PPARA: variants seen among roughly 807,000 people sequenced by gnomAD.
The protein encoded by PPARA is peroxisome proliferator activated receptor alpha.
In PPARA, 22 loss-of-function variants were observed where a neutral mutation model predicts 42.2. The observed-to-expected ratio is 0.52, with a 90% CI of 0.37 to 0.74. The LOEUF (loss-of-function observed/expected upper bound fraction) is 0.74. Ranked by LOEUF, PPARA falls within the 30% of genes least tolerant of loss-of-function variation. The probability of loss-of-function intolerance (pLI) is 0.00; values close to 1 mark genes in which losing one functional copy is unlikely to be tolerated. For missense variants in PPARA, 465 were observed against 608.2 expected (o/e 0.76, Z 2.48); for synonymous variants, 242 against 239.3 (o/e 1.01, Z -0.10).
chr22:46,226,710 TC>T (rs1339099397), intron 7 of PPARA, among the ~76,000 whole-genome samples: 16 of 152,178 alleles, frequency 1.1e-4, no homozygotes, highest in Non-Finnish European at 5.9e-5. Context: ...TAGTGAGACC[TC>T]CTCTATGAAA....
chr22:46,177,142 C>T (rs917084263), intron 3 of PPARA, among the ~76,000 whole-genome samples: 2 of 152,066 alleles, frequency 1.3e-5, no homozygotes, highest in Admixed American at 6.6e-5. Flanking sequence ...ACACAGGAGG[C>T]AGAGCTTGCA....
rs1042459173 is a variant in PPARA, at chr22:46,161,268, A to T, written c.-127+9298A>T. On this transcript the variant is annotated intron_variant, in intron 2 of 8. Coordinates refer to ENST00000407236, the MANE Select transcript of PPARA (RefSeq NM_005036.6). The surrounding 1 kb of genome is among the most constrained non-coding windows in gnomAD (Gnocchi z 4.8). ...ATTTTCTAGAAGGAATTTCAGAAGGATGTGTGCCCAATTATGGTATCAGGT... is the reference window on the plus strand; with the variant it reads ...ATTTTCTAGAAGGAATTTCAGAAGGTTGTGTGCCCAATTATGGTATCAGGT... 5.9e-5 allele frequency among the ~76,000 whole-genome samples: 9 copies of T among 152,198 alleles called. No individual in the cohort carries two copies. The highest frequency in any genetic ancestry group is 2.2e-4 in the African/African-American group (9 of 41,454).
At chr22:46,179,245 A>G (rs1265505352) in intron 3 of PPARA, among the ~76,000 whole-genome samples, 1 of 152,262 alleles carries the variant, frequency 6.6e-6, no homozygotes, top group Non-Finnish European at 1.5e-5. Flanking sequence ...TTCAAAGTAT[A>G]GCAAATATTA....
Position 46,171,721 on chromosome 22 carries a change from G to A in PPARA, c.-126-5032G>A, listed in dbSNP as rs185458222. 4.9e-4 allele frequency among the ~76,000 whole-genome samples: 74 copies of A among 152,286 alleles called. No individual in the cohort carries two copies. Among genetic ancestry groups the A allele is most frequent in the African/African-American group, 1.8e-3 (73 of 41,568 alleles). On this transcript the variant is annotated intron_variant, in intron 2 of 8. Transcript: ENST00000407236. This position sits in a 1 kb window ranked among gnomAD's most constrained non-coding sequence, Gnocchi z 5.0. Reference sequence around the variant, plus strand: ...TCGAGCAGTGTCCTGGAGAGGAGGAGGAGGAGAAAGAGGTCAGGAGGTCCC... The same window carrying A: ...TCGAGCAGTGTCCTGGAGAGGAGGAAGAGGAGAAAGAGGTCAGGAGGTCCC...
Position 46,167,268 on chromosome 22 carries a change from T to A in PPARA, c.-126-9485T>A, listed in dbSNP as rs924918044. Among the ~76,000 whole-genome samples the A allele has an allele frequency of 4.0e-5, 6 of 150,912 alleles. No homozygotes were observed. Among genetic ancestry groups the A allele is most frequent in the Non-Finnish European group, 7.4e-5 (5 of 67,808 alleles). ...TACTATTATGTAATAATAGTATATA[T>A]CATGTTACATATTATATTATGTAAT... is the stretch of plus-strand genomic sequence containing the variant. On this transcript the variant is annotated intron_variant, in intron 2 of 8. Coordinates refer to ENST00000407236, the MANE Select transcript of PPARA (RefSeq NM_005036.6). This position sits in a 1 kb window ranked among gnomAD's most constrained non-coding sequence, Gnocchi z 4.1.
intron 2 of PPARA, chr22:46,155,081 A>C (rs937821941): frequency 2.5e-4 from 37 of 149,050 alleles, no homozygotes; most frequent in African/African-American, 7.9e-4. Flanking sequence ...GAAACATGCC[A>C]ATTTTTCTTC....
chr22:46,155,747 A>G (rs1925212007), intron 2 of PPARA: 1 of 152,264 alleles, frequency 6.6e-6, no homozygotes, highest in Admixed American at 6.5e-5. Context: ...AAACTTGGGC[A>G]CAGAATTTAC....
At chr22:46,220,066 G>T (rs769412433) in intron 7 of PPARA, 52 bp downstream of exon 7, 2 of 1,580,136 alleles carry the variant, frequency 1.3e-6, no homozygotes, top group South Asian at 2.2e-5. Context: ...AACCAGTGTC[G>T]TAGAGGACGA....
chr22:46,195,123 G>A lies in PPARA; in HGVS notation c.-42-3219G>A, dbSNP rs1338601385. 4.0e-5 allele frequency among the ~76,000 whole-genome samples: 6 copies of A among 150,540 alleles called. No homozygotes were observed. The highest frequency in any genetic ancestry group is 6.7e-5 in the Admixed American group (1 of 15,028). On this transcript the variant is annotated intron_variant, in intron 3 of 8. Transcript: ENST00000407236. This position sits in a 1 kb window ranked among gnomAD's most constrained non-coding sequence, Gnocchi z 4.6. ...TCACCCTGTTGGCCAGGCTGGTTTC[G>A]AACTCCTGACCTTAAGTGATCTGCC...
chr22:46,154,831 G>A (rs965312097), intron 2 of PPARA, among the ~76,000 whole-genome samples: 6 of 150,026 alleles, frequency 4.0e-5, no homozygotes, highest in South Asian at 2.1e-4. Context: ...ACGCCACCAG[G>A]CCTGACTCAT....
chr22:46,205,550 A>AATT (rs1933200189), intron 4 of PPARA, among the ~76,000 whole-genome samples: 1 of 27,888 alleles, frequency 3.6e-5, no homozygotes, highest in Non-Finnish European at 6.0e-5. Flanking sequence ...ATATATATAT[A>AATT]TATATTTTTT....
chr22:46,212,540 CTTCT>C lies in PPARA; in HGVS notation c.209-2629_209-2626del, dbSNP rs996818054. Among the ~76,000 whole-genome samples the C allele has an allele frequency of 6.6e-6, 1 of 152,192 alleles. No individual in the cohort carries two copies. Among genetic ancestry groups the C allele is most frequent in the Non-Finnish European group, 1.5e-5 (1 of 68,038 alleles). On this transcript the variant is annotated intron_variant, in intron 4 of 8. Coordinates refer to ENST00000407236, the MANE Select transcript of PPARA (RefSeq NM_005036.6). This position sits in a 1 kb window ranked among gnomAD's most constrained non-coding sequence, Gnocchi z 4.2. ...ATAGTATGTAGCCTTTTCAGACTGA[CTTCT>C]TTCATAGCAATATGCATTTAAGAGT...
Position 46,200,984 on chromosome 22 carries a change from C to T in PPARA, c.208+2393C>T, listed in dbSNP as rs190860103. Among the ~76,000 whole-genome samples, 20 of 152,018 alleles carry T rather than the reference C, an allele frequency of 1.3e-4. No individual in the cohort carries two copies. Among genetic ancestry groups the T allele is most frequent in the Admixed American group, 9.8e-4 (15 of 15,264 alleles). On this transcript the variant is annotated intron_variant, in intron 4 of 8. Coordinates refer to ENST00000407236, the MANE Select transcript of PPARA (RefSeq NM_005036.6). This position sits in a 1 kb window ranked among gnomAD's most constrained non-coding sequence, Gnocchi z 4.8. ...ATCCCAGCACTTTGGGAGGCTGAGG[C>T]GGGCGGATCACTTGAGGTCAGGAGT...
chr22:46,152,566 T>C (rs578223916), intron 2 of PPARA, among the ~76,000 whole-genome samples: 16 of 152,344 alleles, frequency 1.1e-4, no homozygotes, highest in Middle Eastern at 3.4e-3. Flanking sequence ...TACTAGACCC[T>C]TGGGATGTCC....
chr22:46,231,892 G>T lies in PPARA; in HGVS notation c.812G>T (p.Arg271Leu). ...ATCCAGAACAAGGAGGCGGAGGTCC[G>T]CATCTTTCACTGCTGCCAGTGCACG... Reference protein sequence around the residue: ...NGIQNKEAEVRIFHCCQCTSV... With the variant: ...NGIQNKEAEVLIFHCCQCTSV... The change falls in exon 8 of 9, where the codon CGC (arginine) becomes CTC (leucine). Residue 271 changes from arginine (R) to leucine (L), a missense_variant. Around this residue, in one of 2 missense-constraint regions of PPARA, gnomAD observed 313 missense variants for 469.1 expected, o/e 0.67. Transcript: ENST00000407236. The surrounding 1 kb of genome is among the most constrained non-coding windows in gnomAD (Gnocchi z 7.7). 6.2e-7 allele frequency: 1 copy of T among 1,614,088 alleles called. No individual in the cohort carries two copies. The highest frequency in any genetic ancestry group is 1.1e-5 in the South Asian group (1 of 91,086).
At chr22:46,207,677 A>ATTTTT (rs764662561) in intron 4 of PPARA, among the ~76,000 whole-genome samples, 10 of 50,724 alleles carry the variant, frequency 2.0e-4, no homozygotes, top group Non-Finnish European at 2.3e-4. Flanking sequence ...TATTATTATT[A>ATTTTT]TTTTTTTTTT....
chr22:46,177,463 CAAAA>C lies in PPARA; in HGVS notation c.-43+643_-43+646del, dbSNP rs34148860. 3.0e-3 allele frequency among the ~76,000 whole-genome samples: 255 copies of C among 86,422 alleles called. 1 individual carries two copies. Among genetic ancestry groups the C allele is most frequent in the African/African-American group, 8.0e-3 (235 of 29,196 alleles). 56.7% of individuals were successfully genotyped at this position (86,422 alleles called of 152,430 possible). ...TGGGCAACAGAACAAGACTCCATCT[CAAAA>C]AAAAAAAAAAAAAAATCGATAGTAT... On this transcript the variant is annotated intron_variant, in intron 3 of 8. Coordinates refer to ENST00000407236, the MANE Select transcript of PPARA (RefSeq NM_005036.6).
chr22:46,153,463 C>A (rs756927732), intron 2 of PPARA, among the ~76,000 whole-genome samples: 28 of 152,124 alleles, frequency 1.8e-4, no homozygotes, highest in African/African-American at 6.5e-4. Context: ...GCCACCGCGC[C>A]GGGCCCTTTT....
rs552042997 is a variant in PPARA, at chr22:46,239,573, G to A, written c.*4193G>A. On this transcript the variant is annotated 3_prime_UTR_variant, in exon 9 of 9. Coordinates refer to ENST00000407236, the MANE Select transcript of PPARA (RefSeq NM_005036.6). ...GTGCAAAAGGTGCTACCCCAATTTG[G>A]TGAAACTGACATTGGGCACGTCTTG... The A allele has an allele frequency of 1.3e-5, 2 of 150,200 alleles. No homozygotes were observed. Among genetic ancestry groups the A allele is most frequent in the Admixed American group, 6.7e-5 (1 of 15,032 alleles). The allele number at this position is 150,200 out of a possible 1,614,324, so 9.3% of individuals were successfully genotyped here.
Sources: gnomAD v4.1 joint callset for allele counts (sites outside exome capture counted in the v4.1 genomes callset) on GRCh38, gnomAD v4.1.1 for gene constraint, gnomAD v4.1.1 regional missense constraint, Gnocchi (gnomAD v3.1) non-coding constraint, MANE v1.5 for transcripts, NCBI Gene and HGNC (gene_info 2026-07-23, HGNC 2026-07-21) for gene names.